Variants in RBPMS2 observed in about 807,000 individuals in gnomAD.
The protein encoded by RBPMS2 is RNA binding protein, mRNA processing factor 2.
A neutral mutation model predicts 25.7 loss-of-function variants in RBPMS2; 14 were observed. The ratio of observed to expected loss-of-function variants is 0.55; its 90% CI spans 0.36 to 0.85. The LOEUF is 0.85. Among genes scored for constraint, RBPMS2 ranks in the 40% least tolerant of loss-of-function variants. RBPMS2 has a pLI of 0.01. For synonymous variants in RBPMS2, 127 were observed against 115.6 expected (o/e 1.10, Z -0.63); for missense variants, 252 against 283.4 (o/e 0.89, Z 0.80).
intron 1 of RBPMS2, among the ~76,000 whole-genome samples, chr15:64,762,918 G>A (rs1307835117): frequency 2.0e-5 from 3 of 152,160 alleles, no homozygotes; most frequent in South Asian, 4.1e-4. Flanking sequence ...TGGAAGTCAG[G>A]GGCCAGCCAG....
At chr15:64,759,792 C>G (rs1010480984) in intron 1 of RBPMS2, among the ~76,000 whole-genome samples, 18 of 152,190 alleles carry the variant, frequency 1.2e-4, no homozygotes, top group Non-Finnish European at 1.9e-4. Flanking sequence ...CCTGCCTCAG[C>G]CTCCGGAGTA....
intron 6 of RBPMS2, among the ~76,000 whole-genome samples, chr15:64,743,657 T>A (rs1162113941): frequency 1.3e-5 from 2 of 151,902 alleles, no homozygotes; most frequent in African/African-American, 4.8e-5. Context: ...GGGGGGCTCC[T>A]GAGAGTACCC....
intron 1 of RBPMS2, among the ~76,000 whole-genome samples, chr15:64,772,134 A>T (rs953173426): frequency 5.3e-5 from 8 of 152,350 alleles, no homozygotes; most frequent in South Asian, 2.1e-4. Context: ...GGGAACCCAT[A>T]GAAATGGAAG....
At chr15:64,757,270 G>A (rs2141067331) in intron 1 of RBPMS2, among the ~76,000 whole-genome samples, 1 of 152,112 alleles carries the variant, frequency 6.6e-6, no homozygotes, top group Non-Finnish European at 1.5e-5. Flanking sequence ...ACCATGCCTG[G>A]CCTCAGTTTC....
intron 2 of RBPMS2, 117 bp downstream of exon 2, chr15:64,751,444 A>G: frequency 1.2e-6 from 1 of 817,450 alleles, no homozygotes; most frequent in Admixed American, 1.9e-5. Flanking sequence ...ACCTGCCCCC[A>G]CAGCTTCTGC....
intron 1 of RBPMS2, among the ~76,000 whole-genome samples, chr15:64,754,184 T>C (rs1372206919): frequency 4.0e-5 from 6 of 151,848 alleles, no homozygotes; most frequent in Non-Finnish European, 8.8e-5. Context: ...TGGTGGCCCA[T>C]CCCTGCAGTC....
At chr15:64,762,296 G>GTCAACTCCTCACACTC in intron 1 of RBPMS2, 3 of 484,458 alleles carry the variant, frequency 6.2e-6, no homozygotes, top group South Asian at 4.5e-5. Flanking sequence ...CTGACAGACT[G>GTCAACTCCTCACACTC]TCAACTCCCC....
intron 1 of RBPMS2, among the ~76,000 whole-genome samples, chr15:64,770,786 C>G (rs954092976): frequency 1.3e-5 from 2 of 152,120 alleles, no homozygotes; most frequent in Non-Finnish European, 2.9e-5. Context: ...CCTCCCACAC[C>G]CCCCTCCCCG....
chr15:64,769,055 C>A (rs1440934279), intron 1 of RBPMS2, among the ~76,000 whole-genome samples: 11 of 126,598 alleles, frequency 8.7e-5, no homozygotes, highest in African/African-American at 3.5e-4. Flanking sequence ...GAGCAGAGAT[C>A]GTGCCACTGC....
rs1441232282 is a variant in RBPMS2 at position 64,740,889 on chromosome 15, C to T, written c.*119G>A. ...TCCACTGAGTCAGGCTTGGGATTCA[C>T]AGTCTCTGGAGGGCAGCAGCTCTGT... On this transcript the variant is annotated 3_prime_UTR_variant, in exon 8 of 8. Coordinates refer to ENST00000300069, the MANE Select transcript of RBPMS2 (RefSeq NM_194272.3). 1.3e-5 allele frequency: 4 copies of T among 318,668 alleles called. No individual in the cohort carries two copies. Among genetic ancestry groups the T allele is most frequent in the Non-Finnish European group, 2.4e-5 (4 of 169,092 alleles). The allele number at this position is 318,668 out of a possible 1,614,324, so 19.7% of individuals were successfully genotyped here. A position where few individuals can be genotyped will look rare whatever the true frequency, so the allele number is the denominator to read the frequency against.
At chr15:64,746,721 C>T (rs2141056786) in intron 6 of RBPMS2, among the ~76,000 whole-genome samples, 1 of 152,314 alleles carries the variant, frequency 6.6e-6, no homozygotes, top group African/African-American at 2.4e-5. Context: ...ACTCATTGTC[C>T]CTGGCTCCCA....
chr15:64,752,059 G>A (rs997834191), intron 1 of RBPMS2, among the ~76,000 whole-genome samples: 1 of 151,486 alleles, frequency 6.6e-6, no homozygotes, highest in East Asian at 1.9e-4. Flanking sequence ...CCACCTCCTG[G>A]GTTCAAGAGA....
At chr15:64,766,905 T>C (rs556121851) in intron 1 of RBPMS2, among the ~76,000 whole-genome samples, 1 of 152,152 alleles carries the variant, frequency 6.6e-6, no homozygotes, top group Admixed American at 6.5e-5. Flanking sequence ...TGCCTCGGCC[T>C]CCTGAGTAGC....
intron 1 of RBPMS2, among the ~76,000 whole-genome samples, chr15:64,772,539 A>G (rs752945017): frequency 7.9e-5 from 12 of 152,170 alleles, no homozygotes; most frequent in Non-Finnish European, 1.3e-4. Context: ...CCAAACTCTC[A>G]TTATGGCTGC....
chr15:64,770,584 T>C (rs1476933453), intron 1 of RBPMS2, among the ~76,000 whole-genome samples: 3 of 152,134 alleles, frequency 2.0e-5, no homozygotes, highest in Non-Finnish European at 4.4e-5. Context: ...TACTGCTATA[T>C]GCCTGGCAGG....
intron 1 of RBPMS2, among the ~76,000 whole-genome samples, chr15:64,764,305 G>A (rs977318100): frequency 6.6e-6 from 1 of 152,148 alleles, no homozygotes; most frequent in Admixed American, 6.5e-5. Context: ...TAGATTCAAG[G>A]CATTGGGCTA....
chr15:64,765,527 C>T (rs565070747), intron 1 of RBPMS2, among the ~76,000 whole-genome samples: 61 of 150,472 alleles, frequency 4.1e-4, no homozygotes, highest in South Asian at 8.6e-4. Context: ...TACAGTGAGC[C>T]GTAATCATGC....
chr15:64,749,203 TTAATGGC>T, intron 4 of RBPMS2, 53 bp from the exon 5 acceptor site: 1 of 1,591,254 alleles, frequency 6.3e-7, no homozygotes, highest in Non-Finnish European at 8.6e-7. Flanking sequence ...ACCCAGAGTG[TTAATGGC>T]AGAGAGTAGA....
At chr15:64,756,068 G>A (rs2083729089) in intron 1 of RBPMS2, among the ~76,000 whole-genome samples, 2 of 152,214 alleles carry the variant, frequency 1.3e-5, no homozygotes, top group African/African-American at 4.8e-5. Context: ...CTAGAGACAG[G>A]AACCAAGCCT....
Sources: allele counts gnomAD v4.1 joint callset (sites outside exome capture counted in the v4.1 genomes callset), GRCh38; gene constraint gnomAD v4.1.1; transcripts MANE v1.5; gene names NCBI Gene and HGNC (gene_info 2026-07-23, HGNC 2026-07-21).